The following CRAMP1 variants were observed in gnomAD, a reference collection of about 807,000 sequenced individuals.
CRAMP1 encodes cramped chromatin regulator 1.
In CRAMP1, 50 loss-of-function variants were observed where a neutral mutation model predicts 115.4. The ratio of observed to expected loss-of-function variants is 0.43; its 90% CI spans 0.35 to 0.55. CRAMP1 has a LOEUF of 0.55. Among genes scored for constraint, CRAMP1 ranks in the 20% least tolerant of loss-of-function variants. CRAMP1 has a pLI of 0.01. For missense variants in CRAMP1, 1,679 were observed against 1,721.7 expected (o/e 0.98, Z 0.44); for synonymous variants, 866 against 745.4 (o/e 1.16, Z -2.64).
chr16:1,657,953 C>T (rs1462599334), intron 10 of CRAMP1, among the ~76,000 whole-genome samples: 1 of 152,206 alleles, frequency 6.6e-6, no homozygotes, highest in African/African-American at 2.4e-5. Context: ...GTGTGAGGCT[C>T]ACATGTCCCT....
At chr16:1,659,479 C>T (rs113470588) in intron 10 of CRAMP1, among the ~76,000 whole-genome samples, 1 of 152,116 alleles carries the variant, frequency 6.6e-6, no homozygotes, top group African/African-American at 2.4e-5. Context: ...CAAGCTCCAC[C>T]TCCCAGGTTC....
intron 2 of CRAMP1, among the ~76,000 whole-genome samples, chr16:1,616,502 C>T (rs1040135198): frequency 2.0e-5 from 3 of 152,194 alleles, no homozygotes; most frequent in Admixed American, 1.3e-4. Flanking sequence ...CACTCTCAGA[C>T]GTGTACGTGG....
chr16:1,612,453 C>T lies in CRAMP1; in HGVS notation c.-206C>T, dbSNP rs1017728633. On this transcript the variant is annotated 5_prime_UTR_variant, in exon 1 of 21. Transcript: ENST00000397412. ...TGGCGGCAGTATCTGCGTCCGCAGC[C>T]CCCGCAGCCGCGCGCCGGCCCGCGG... is the stretch of plus-strand genomic sequence containing the variant. 6 of 151,188 alleles carry T rather than the reference C, an allele frequency of 4.0e-5. No homozygotes were observed. Among genetic ancestry groups the T allele is most frequent in the African/African-American group, 1.5e-4 (6 of 41,286 alleles). The allele number at this position is 151,188 out of a possible 1,614,324, so 9.4% of individuals were successfully genotyped here. A position where few individuals can be genotyped will look rare whatever the true frequency, so the allele number is the denominator to read the frequency against.
intron 4 of CRAMP1, among the ~76,000 whole-genome samples, chr16:1,634,513 A>T (rs1029380292): frequency 6.6e-6 from 1 of 152,048 alleles, no homozygotes; most frequent in African/African-American, 2.4e-5. Flanking sequence ...CACACCCAAC[A>T]CAGGTCCTTT....
chr16:1,613,085 T>A lies in CRAMP1; in HGVS notation c.-2+428T>A, dbSNP rs141830879. Among the ~76,000 whole-genome samples, 263 of 151,980 alleles carry A rather than the reference T, an allele frequency of 1.7e-3. 2 individuals carry two copies. The highest frequency in any genetic ancestry group is 5.9e-3 in the African/African-American group (245 of 41,428). On this transcript the variant is annotated intron_variant, in intron 1 of 20. Coordinates refer to ENST00000397412, the MANE Select transcript of CRAMP1 (RefSeq NM_020825.4). ...CCCGGGTGGCCTGCGGGCGGACAGG[T>A]CCCTGGGCAGCGGGGTTCTCAGCCC... is the stretch of plus-strand genomic sequence containing the variant.
intron 4 of CRAMP1, among the ~76,000 whole-genome samples, chr16:1,633,271 A>T (rs919449433): frequency 2.6e-5 from 4 of 152,082 alleles, no homozygotes; most frequent in African/African-American, 9.7e-5. Context: ...GAGCTTTGGG[A>T]AGAGCCAGGA....
Position 1,676,656 on chromosome 16 carries a change from C to G in CRAMP1, c.*2611C>G, listed in dbSNP as rs1049945476. The G allele has an allele frequency of 6.6e-6, 1 of 152,268 alleles. No individual in the cohort carries two copies. 9.4% of individuals were successfully genotyped at this position (152,268 alleles called of 1,614,324 possible). A position where few individuals can be genotyped will look rare whatever the true frequency, so the allele number is the denominator to read the frequency against. On this transcript the variant is annotated 3_prime_UTR_variant, in exon 21 of 21. Transcript: ENST00000397412. ...TTAGAAAAAGCTTTCCTGAATCCCT[C>G]TGACGTTGCCTGGGATCTTTCTGTT...
In CRAMP1 at chr16:1,672,104, C is replaced by T. The variant is rs1298827056; in HGVS notation, c.3645+1295C>T. 6.6e-6 allele frequency among the ~76,000 whole-genome samples: 1 copy of T among 152,292 alleles called. No individual in the cohort carries two copies. Among genetic ancestry groups the T allele is most frequent in the Admixed American group, 6.5e-5 (1 of 15,302 alleles). Reference sequence around the variant, plus strand: ...TACGTGCCCTGAGGCAGCATGCTCACGCCATGCTGTTGAAAGGACGGGCCA... The same window carrying T: ...TACGTGCCCTGAGGCAGCATGCTCATGCCATGCTGTTGAAAGGACGGGCCA... On this transcript the variant is annotated intron_variant, in intron 20 of 20. Coordinates refer to ENST00000397412, the MANE Select transcript of CRAMP1 (RefSeq NM_020825.4). This position sits in a 1 kb window ranked among gnomAD's most constrained non-coding sequence, Gnocchi z 4.9.
Position 1,672,957 on chromosome 16 carries a change from G to A in CRAMP1, c.3646-924G>A, listed in dbSNP as rs1321700438. ...GCCTGTTGCTTCTTTAAAAAGGAACGTACTCCCCATGTGTCCTCATGTCTC... is the reference window on the plus strand; with the variant it reads ...GCCTGTTGCTTCTTTAAAAAGGAACATACTCCCCATGTGTCCTCATGTCTC... On this transcript the variant is annotated intron_variant, in intron 20 of 20. Coordinates refer to ENST00000397412, the MANE Select transcript of CRAMP1 (RefSeq NM_020825.4). The surrounding 1 kb of genome is among the most constrained non-coding windows in gnomAD (Gnocchi z 4.9). Among the ~76,000 whole-genome samples the A allele has an allele frequency of 2.0e-5, 3 of 152,242 alleles. No homozygotes were observed. The highest frequency in any genetic ancestry group is 7.2e-5 in the African/African-American group (3 of 41,466).
rs758603571 is a variant in CRAMP1, at chr16:1,656,887, C to T, written c.2130C>T (p.Pro710=). 83 of 1,551,050 alleles carry T rather than the reference C, an allele frequency of 5.4e-5. No individual in the cohort carries two copies. The highest frequency in any genetic ancestry group is 1.4e-4 in the South Asian group (12 of 84,104). ...KLQLEYDWLG[P]GRQDPRPGSL... is the part of the protein sequence containing the mutation. ...AGCTGGAGTACGACTGGCTGGGGCC[C>T]GGCCGCCAGGACCCCCGCCCCGGCT... The change falls in exon 10 of 21, where the codon CCC becomes CCT. Residue 710 remains proline (P), a synonymous_variant. Coordinates refer to ENST00000397412, the MANE Select transcript of CRAMP1 (RefSeq NM_020825.4). This position sits in a 1 kb window ranked among gnomAD's most constrained non-coding sequence, Gnocchi z 5.6.
At chr16:1,625,672 C>T in intron 2 of CRAMP1, 1 of 249,014 alleles carries the variant, frequency 4.0e-6, no homozygotes. Flanking sequence ...ATCTCTGTCT[C>T]CATTGTGGAC....
At chr16:1,652,638 T>A in intron 7 of CRAMP1, 57 bp downstream of exon 7, 1 of 1,441,996 alleles carries the variant, frequency 6.9e-7, no homozygotes, top group Non-Finnish European at 9.5e-7. Context: ...TCCCATTCAA[T>A]GATGGGCAGG....
At chr16:1,629,476 CA>C (rs1190432679) in intron 3 of CRAMP1, among the ~76,000 whole-genome samples, 3 of 152,240 alleles carry the variant, frequency 2.0e-5, no homozygotes, top group African/African-American at 7.2e-5. Flanking sequence ...ACTGAGAATA[CA>C]GAAAAGCTTC....
chr16:1,621,470 A>G (rs1014688969), intron 2 of CRAMP1, among the ~76,000 whole-genome samples: 2 of 152,182 alleles, frequency 1.3e-5, no homozygotes. Context: ...TGGGAAGGGG[A>G]AAGCAGGTGG....
chr16:1,641,319 C>T (rs2036630144), intron 6 of CRAMP1, 132 bp downstream of exon 6: 2 of 692,972 alleles, frequency 2.9e-6, no homozygotes, highest in Non-Finnish European at 5.1e-6. Context: ...GTTACGTGTT[C>T]AGTCCCAACA....
At chr16:1,651,688 G>A (rs1252038927) in intron 6 of CRAMP1, among the ~76,000 whole-genome samples, 2 of 146,948 alleles carry the variant, frequency 1.4e-5, no homozygotes, top group African/African-American at 2.5e-5. Flanking sequence ...GAGAGGTCAC[G>A]GAGAGGTGGA....
chr16:1,614,663 C>T lies in CRAMP1; in HGVS notation c.24C>T (p.Gly8=), dbSNP rs1024453985. Residue 8 remains glycine, a synonymous_variant, in exon 2 of 21, where the codon GGC becomes GGT. Coordinates refer to ENST00000397412, the MANE Select transcript of CRAMP1 (RefSeq NM_020825.4). The surrounding 1 kb of genome is among the most constrained non-coding windows in gnomAD (Gnocchi z 4.4). ...GGATGACAGTGAAGTTGGGCGACGG[C>T]GGCAGCGGGGAGGACGGGCTCAAGA... The part of the protein sequence containing the change: MTVKLGD[G]GSGEDGLKKL... The T allele has an allele frequency of 8.5e-6, 11 of 1,290,794 alleles. No homozygotes were observed. Among genetic ancestry groups the T allele is most frequent in the African/African-American group, 1.6e-5 (1 of 64,294 alleles). The allele number at this position is 1,290,794 out of a possible 1,614,324, so 80.0% of individuals were successfully genotyped here.
At chr16:1,652,887 C>A in intron 7 of CRAMP1, 146 bp from the exon 8 acceptor site, 1 of 997,974 alleles carries the variant, frequency 1.0e-6, no homozygotes, top group Non-Finnish European at 1.5e-6. Context: ...GGAGTTTCTT[C>A]TTCGCTGGGG....
At chr16:1,623,339 T>A (rs2036481482) in intron 2 of CRAMP1, among the ~76,000 whole-genome samples, 1 of 152,224 alleles carries the variant, frequency 6.6e-6, no homozygotes, top group Non-Finnish European at 1.5e-5. Context: ...ACATCTCCTG[T>A]GTGCCTTTGC....
Sources: allele counts gnomAD v4.1 joint callset (sites outside exome capture counted in the v4.1 genomes callset), GRCh38; gene constraint gnomAD v4.1.1; non-coding constraint Gnocchi (gnomAD v3.1); transcripts MANE v1.5; gene names NCBI Gene and HGNC (gene_info 2026-07-23, HGNC 2026-07-21).